Variants in LTBP1 observed in about 807,000 individuals in gnomAD.
LTBP1 encodes latent transforming growth factor beta binding protein 1.
LTBP1 carries 129 observed loss-of-function variants against 207.6 expected under a neutral mutation model. The observed-to-expected ratio is 0.62, with a 90% CI of 0.54 to 0.72. The LOEUF (loss-of-function observed/expected upper bound fraction) is 0.72, where lower values mean the gene tolerates loss of function less well. Ranked by LOEUF, LTBP1 falls within the 30% of genes least tolerant of loss-of-function variation. The pLI, the probability that LTBP1 is intolerant of heterozygous loss-of-function variation, is 0.00. For missense variants in LTBP1, 2,281 were observed against 2,217.2 expected (o/e 1.03, Z -0.58); for synonymous variants, 963 against 833.7 (o/e 1.16, Z -2.67).
chr2:33,230,239 C>G (rs1189883682), intron 9 of LTBP1, among the ~76,000 whole-genome samples: 4 of 152,312 alleles, frequency 2.6e-5, no homozygotes, highest in Middle Eastern at 3.4e-3. Flanking sequence ...ACTAGAATTA[C>G]ATTATTTCCT....
intron 5 of LTBP1, among the ~76,000 whole-genome samples, chr2:33,149,228 C>CAAAAAAAAAAAAAAAAAAA (rs58303103): frequency 2.4e-5 from 2 of 82,772 alleles, no homozygotes; most frequent in African/African-American, 9.5e-5. Flanking sequence ...CACAAAAAAA[C>CAAAAAAAAAAAAAAAAAAA]AAAAAAAAAA....
intron 5 of LTBP1, among the ~76,000 whole-genome samples, chr2:33,171,513 G>C (rs557883208): frequency 2.0e-5 from 3 of 151,522 alleles, no homozygotes; most frequent in Admixed American, 6.6e-5. Context: ...TATGTGAAAA[G>C]ACCAAATCTA....
chr2:33,126,091 C>T (rs2081416225), intron 4 of LTBP1, among the ~76,000 whole-genome samples: 1 of 151,970 alleles, frequency 6.6e-6, no homozygotes, highest in Non-Finnish European at 1.5e-5. Context: ...TGAGTGTCTC[C>T]TTAGACTGCT....
chr2:33,075,124 G>A (rs1206926525), intron 3 of LTBP1, among the ~76,000 whole-genome samples: 1 of 152,122 alleles, frequency 6.6e-6, no homozygotes, highest in Non-Finnish European at 1.5e-5. Flanking sequence ...TCAGATAACA[G>A]ATAGATGGGG....
intron 2 of LTBP1, among the ~76,000 whole-genome samples, chr2:32,959,599 A>ATGTGTG (rs1392400118): frequency 7.6e-5 from 4 of 52,484 alleles, no homozygotes; most frequent in Non-Finnish European, 1.4e-4. Context: ...ATGTACGTGT[A>ATGTGTG]TATATATATA....
chr2:33,240,406 G>A (rs886541230), intron 9 of LTBP1, among the ~76,000 whole-genome samples: 1 of 152,198 alleles, frequency 6.6e-6, no homozygotes, highest in Non-Finnish European at 1.5e-5. Flanking sequence ...AATGCGTTCA[G>A]TTCAACCAAT....
At chr2:33,364,676 A>C (rs577493582) in intron 30 of LTBP1, among the ~76,000 whole-genome samples, 5 of 152,280 alleles carry the variant, frequency 3.3e-5, no homozygotes, top group Admixed American at 2.6e-4. Flanking sequence ...AGGGAAAGAT[A>C]ATTAGGTGCA....
chr2:32,977,583 G>A (rs1411758669), intron 2 of LTBP1, among the ~76,000 whole-genome samples: 1 of 152,202 alleles, frequency 6.6e-6, no homozygotes. Flanking sequence ...GTTGCCTCTG[G>A]AAAATCTCCA....
intron 7 of LTBP1, among the ~76,000 whole-genome samples, chr2:33,206,342 A>G (rs891914295): frequency 4.6e-5 from 7 of 152,186 alleles, no homozygotes; most frequent in Admixed American, 2.0e-4. Flanking sequence ...ATGCATTACA[A>G]TTTCACATAG....
At chr2:33,343,360 G>C (rs997694928) in intron 25 of LTBP1, among the ~76,000 whole-genome samples, 1 of 147,902 alleles carries the variant, frequency 6.8e-6, no homozygotes, top group Admixed American at 6.8e-5. Context: ...GCAATAAGCC[G>C]TGATCATGCC....
At chr2:33,169,606 A>T (rs1055004839) in intron 5 of LTBP1, among the ~76,000 whole-genome samples, 2 of 152,244 alleles carry the variant, frequency 1.3e-5, no homozygotes, top group Non-Finnish European at 2.9e-5. Flanking sequence ...TTGAAACCAT[A>T]GAACATATAA....
intron 3 of LTBP1, among the ~76,000 whole-genome samples, chr2:33,077,604 T>G (rs1035563132): frequency 6.6e-6 from 1 of 152,156 alleles, no homozygotes; most frequent in African/African-American, 2.4e-5. Flanking sequence ...GGGATGGTGA[T>G]AAATCATTTA....
intron 2 of LTBP1, among the ~76,000 whole-genome samples, chr2:32,953,589 C>A (rs762340016): frequency 5.3e-5 from 8 of 152,162 alleles, no homozygotes; most frequent in Non-Finnish European, 1.2e-4. Context: ...ATTTAGGAAC[C>A]ATAACACTGT....
intron 5 of LTBP1, among the ~76,000 whole-genome samples, chr2:33,154,577 T>G (rs2083800073): frequency 6.6e-6 from 1 of 152,234 alleles, no homozygotes; most frequent in East Asian, 1.9e-4. Context: ...TAATATAACT[T>G]ATTGAACTGG....
chr2:33,173,267 TAAAG>T (rs1309329137), intron 5 of LTBP1, among the ~76,000 whole-genome samples: 2 of 150,874 alleles, frequency 1.3e-5, no homozygotes, highest in East Asian at 1.9e-4. Flanking sequence ...GCAAGACTAA[TAAAG>T]AAGAAAAGAG....
Position 33,150,100 on chromosome 2 carries a change from G to A in LTBP1, c.1201+15140G>A, listed in dbSNP as rs189028653. Among the ~76,000 whole-genome samples the A allele has an allele frequency of 3.9e-5, 6 of 152,298 alleles. No individual in the cohort carries two copies. The East Asian group carries it at 1.2e-3, about 29-fold the overall frequency. On this transcript the variant is annotated intron_variant, in intron 5 of 33. Transcript: ENST00000404816. The stretch of plus-strand genomic sequence containing the variant: ...CTCTAGGTCAGCTGGACAACAATGT[G>A]TATCACGTTTTTAAAGCATTCACTT...
chr2:33,395,240 C>G (rs1202364133), intron 32 of LTBP1, among the ~76,000 whole-genome samples: 1 of 152,106 alleles, frequency 6.6e-6, no homozygotes, highest in African/African-American at 2.4e-5. Context: ...AGTGACTTGG[C>G]CAGGGTCACA....
At chr2:33,147,433 T>G (rs1034817197) in intron 5 of LTBP1, among the ~76,000 whole-genome samples, 7 of 152,216 alleles carry the variant, frequency 4.6e-5, no homozygotes, top group Admixed American at 3.3e-4. Context: ...GCTGCCCACC[T>G]GTGGATCACT....
At chr2:33,054,776 G>A (rs192596229) in intron 3 of LTBP1, among the ~76,000 whole-genome samples, 78 of 152,212 alleles carry the variant, frequency 5.1e-4, no homozygotes, top group African/African-American at 1.8e-3. Flanking sequence ...AAATGTACCC[G>A]GGGCTCAGTG....
Sources: gnomAD v4.1 joint callset for allele counts (sites outside exome capture counted in the v4.1 genomes callset) on GRCh38, gnomAD v4.1.1 for gene constraint, MANE v1.5 for transcripts, NCBI Gene and HGNC (gene_info 2026-07-23, HGNC 2026-07-21) for gene names.